Variants in TFEC observed in about 807,000 individuals in gnomAD.
TFEC encodes class E basic helix-loop-helix protein 34.
TFEC carries 31 observed loss-of-function variants against 41.6 expected under a neutral mutation model. The ratio of observed to expected loss-of-function variants is 0.74; its 90% CI spans 0.56 to 1.01. The LOEUF (loss-of-function observed/expected upper bound fraction) is 1.01. TFEC is among the 50% of genes least tolerant of loss of function. The pLI, the probability that TFEC is intolerant of heterozygous loss-of-function variation, is 0.00. For missense variants in TFEC, 402 were observed against 404.1 expected, an observed-to-expected ratio of 0.99 and a Z score of 0.04; for synonymous variants, 143 against 140.6, an observed-to-expected ratio of 1.02 and a Z score of -0.12.
chr7:115,943,076 C>T (rs929594292), intron 6 of TFEC, among the ~76,000 whole-genome samples: 1 of 151,972 alleles, frequency 6.6e-6, no homozygotes, highest in African/African-American at 2.4e-5. Context: ...CATTTTTCTA[C>T]CAGCAGGTGA....
intron 1 of TFEC, among the ~76,000 whole-genome samples, chr7:116,150,941 T>C (rs1317436690): frequency 3.3e-5 from 5 of 152,170 alleles, no homozygotes; most frequent in Non-Finnish European, 5.9e-5. Flanking sequence ...CCCTCTTAAA[T>C]GACTATAATT....
In TFEC at chr7:116,103,328, T is replaced by C. The variant is rs961067744; in HGVS notation, c.198+7380A>G. Among the ~76,000 whole-genome samples the C allele has an allele frequency of 2.0e-5, 3 of 152,088 alleles. No homozygotes were observed. In the South Asian group the frequency reaches 6.2e-4, roughly 32 times the overall value. On this transcript the variant is annotated intron_variant, in intron 3 of 8. Coordinates refer to the TFEC transcript ENST00000484212. ...TCTCTCTGGTAAGTGTAGTAGAAGA[T>C]GAAAAGTGATTCTGCCAAAGCTGCT...
intron 3 of TFEC, among the ~76,000 whole-genome samples, chr7:115,971,559 C>A (rs1793135936): frequency 6.6e-6 from 1 of 151,928 alleles, no homozygotes; most frequent in African/African-American, 2.4e-5. Context: ...AAAAAGCCTT[C>A]TCTTTCTTGA....
At chr7:116,088,861 T>G (rs1481156938) in intron 3 of TFEC, among the ~76,000 whole-genome samples, 1 of 151,892 alleles carries the variant, frequency 6.6e-6, no homozygotes, top group Non-Finnish European at 1.5e-5. Context: ...TACACAGATG[T>G]GGGCAGAGAG....
At chr7:116,096,143 C>T (rs1797448928) in intron 3 of TFEC, among the ~76,000 whole-genome samples, 1 of 152,108 alleles carries the variant, frequency 6.6e-6, no homozygotes, top group South Asian at 2.1e-4. Context: ...GATACTTTGA[C>T]TAAGATTTCT....
At chr7:115,977,749 A>G (rs1028607503) in intron 2 of TFEC, among the ~76,000 whole-genome samples, 42 of 152,050 alleles carry the variant, frequency 2.8e-4, no homozygotes, top group Non-Finnish European at 2.8e-4. Flanking sequence ...ATTTCTATAG[A>G]TAAGTACATA....
At chr7:116,151,601 G>GT (rs1177045337) in intron 1 of TFEC, among the ~76,000 whole-genome samples, 13 of 151,392 alleles carry the variant, frequency 8.6e-5, no homozygotes, top group Non-Finnish European at 8.8e-5. Flanking sequence ...AGTAGGGTTT[G>GT]TTTTTTGGTT....
chr7:116,116,693 G>T, intron 1 of TFEC, among the ~76,000 whole-genome samples: 1 of 151,920 alleles, frequency 6.6e-6, no homozygotes, highest in East Asian at 1.9e-4. Context: ...ACTATTCTAT[G>T]AATGAGCAAA....
rs561777566 is a variant in TFEC at position 116,067,151 on chromosome 7, C to T, written c.198+43557G>A. ...GACTTAGAAAGATCCCTGAGATAAA[C>T]CCTCTAGGCCAGAAGGATGAGGCCA... On this transcript the variant is annotated intron_variant, in intron 3 of 8. Transcript: ENST00000484212. Among the ~76,000 whole-genome samples, 9 of 152,074 alleles carry T rather than the reference C, an allele frequency of 5.9e-5. No homozygotes were observed. The South Asian group carries it at 1.9e-3, about 32-fold the overall frequency.
At chr7:115,956,421 A>T (rs1488699284) in intron 4 of TFEC, among the ~76,000 whole-genome samples, 4 of 150,026 alleles carry the variant, frequency 2.7e-5, no homozygotes, top group African/African-American at 9.7e-5. Flanking sequence ...ATATGTGTGT[A>T]TATACATGTA....
Position 116,081,699 on chromosome 7 carries a change from G to C in TFEC, c.198+29009C>G, listed in dbSNP as rs186727936. On this transcript the variant is annotated intron_variant, in intron 3 of 8. Coordinates refer to the TFEC transcript ENST00000484212. ...AATTAAGCCCAAATTCTTTAGCACA[G>C]ATATGAGGTATTTTTCAACCTGACT... Among the ~76,000 whole-genome samples the C allele has an allele frequency of 5.8e-4, 88 of 152,152 alleles. 1 individual carries two copies. Among genetic ancestry groups the C allele is most frequent in the African/African-American group, 2.0e-3 (85 of 41,542 alleles).
At chr7:115,966,430 G>A (rs1792854368) in intron 3 of TFEC, among the ~76,000 whole-genome samples, 2 of 151,610 alleles carry the variant, frequency 1.3e-5, no homozygotes, top group Admixed American at 1.3e-4. Context: ...AGACAGCTGA[G>A]TATTTATTAC....
intron 3 of TFEC, among the ~76,000 whole-genome samples, chr7:115,960,094 T>C (rs1792456695): frequency 6.6e-6 from 1 of 151,304 alleles, no homozygotes; most frequent in African/African-American, 2.4e-5. Context: ...CATTCAGATA[T>C]ATTATACTAA....
At chr7:116,005,137 G>T (rs1043090127) in intron 1 of TFEC, among the ~76,000 whole-genome samples, 8 of 152,336 alleles carry the variant, frequency 5.3e-5, no homozygotes, top group Non-Finnish European at 1.0e-4. Context: ...TCTGAGGTAT[G>T]TCTTTATCAG....
chr7:115,974,942 A>C (rs1793315486), intron 2 of TFEC, among the ~76,000 whole-genome samples: 1 of 152,042 alleles, frequency 6.6e-6, no homozygotes, highest in African/African-American at 2.4e-5. Flanking sequence ...CTTTACATAC[A>C]TCATTCATTT....
chr7:116,136,650 T>C (rs1255990995), intron 1 of TFEC, among the ~76,000 whole-genome samples: 1 of 151,922 alleles, frequency 6.6e-6, no homozygotes, highest in East Asian at 1.9e-4. Context: ...TGTTAACTCA[T>C]TGACTTTCAA....
intron 3 of TFEC, among the ~76,000 whole-genome samples, chr7:116,064,404 A>G (rs1485117923): frequency 1.3e-5 from 2 of 151,224 alleles, no homozygotes; most frequent in African/African-American, 4.8e-5. Flanking sequence ...ATTTTTAAAA[A>G]TATATCTTTT....
intron 1 of TFEC, among the ~76,000 whole-genome samples, chr7:116,129,014 G>GA (rs1197143810): frequency 4.7e-4 from 70 of 148,390 alleles, no homozygotes; most frequent in African/African-American, 1.5e-3. Context: ...TTATTACATT[G>GA]AAAAAAAAAC....
intron 3 of TFEC, among the ~76,000 whole-genome samples, chr7:116,070,160 G>A (rs756689272): frequency 5.3e-5 from 8 of 151,090 alleles, no homozygotes; most frequent in South Asian, 2.1e-4. Context: ...GTGTGTGTGC[G>A]CGTGTGTGTA....
Sources: allele counts gnomAD v4.1 joint callset (sites outside exome capture counted in the v4.1 genomes callset), GRCh38; gene constraint gnomAD v4.1.1; transcripts MANE v1.5; gene names NCBI Gene and HGNC (gene_info 2026-07-23, HGNC 2026-07-21).